Variants in L2HGDH observed in about 807,000 individuals in gnomAD.
L2HGDH encodes the protein L-2-hydroxyglutarate dehydrogenase.
Under a neutral mutation model 51.5 loss-of-function variants are expected in L2HGDH, and 34 were observed. The observed-to-expected ratio is 0.66, with a 90% confidence interval of 0.50 to 0.88. The LOEUF is 0.88. Among genes scored for constraint, L2HGDH ranks in the 40% least tolerant of loss-of-function variants. The pLI is 0.00. For missense variants in L2HGDH, 558 were observed against 571.9 expected, an observed-to-expected ratio of 0.98 and a Z score of 0.25; for synonymous variants, 198 against 197.9, an observed-to-expected ratio of 1.00 and a Z score of -0.01.
intron 9 of L2HGDH, among the ~76,000 whole-genome samples, chr14:50,249,942 C>T (rs1888248472): frequency 8.4e-6 from 1 of 119,108 alleles, no homozygotes; most frequent in Non-Finnish European, 1.6e-5. Context: ...CGCTCTGTTG[C>T]CCAGGCTGGA....
intron 1 of L2HGDH, among the ~76,000 whole-genome samples, chr14:50,303,781 C>CA (rs59420070): frequency 0.13 from 3,864 of 29,286 alleles, 306 homozygotes; most frequent in African/African-American, 0.32. Flanking sequence ...GACCCTGTCT[C>CA]AAAAAAAAAA....
intron 9 of L2HGDH, among the ~76,000 whole-genome samples, chr14:50,253,341 A>G (rs906131348): frequency 1.3e-5 from 2 of 152,160 alleles, no homozygotes; most frequent in Non-Finnish European, 2.9e-5. Context: ...TATAGGAAAA[A>G]AATTTAATAA....
At chr14:50,254,235 G>A (rs767308874) in intron 9 of L2HGDH, among the ~76,000 whole-genome samples, 21 of 152,002 alleles carry the variant, frequency 1.4e-4, no homozygotes, top group Middle Eastern at 3.4e-3. Context: ...TTGAGGGTAC[G>A]AATAACCAAT....
intron 8 of L2HGDH, among the ~76,000 whole-genome samples, chr14:50,266,068 C>A (rs988537851): frequency 6.6e-6 from 1 of 151,750 alleles, no homozygotes; most frequent in East Asian, 1.9e-4. Flanking sequence ...CTCGCTTAAG[C>A]CCAGGAGTTT....
Position 50,243,051 on chromosome 14 carries a change from T to A in L2HGDH, c.*4007A>T. On this transcript the variant is annotated 3_prime_UTR_variant, in exon 10 of 10. Transcript: ENST00000267436. ...CATCCTTTGAAGAAAGTTCTAAGAG[T>A]TAAGGTTATCCCACAGGCTACTAGG... 1.0e-6 allele frequency: 1 copy of A among 985,308 alleles called. No homozygotes were observed. The allele number at this position is 985,308 out of a possible 1,614,324, so 61.0% of individuals were successfully genotyped here. A position where few individuals can be genotyped will look rare whatever the true frequency, so the allele number is the denominator to read the frequency against.
Position 50,247,070 on chromosome 14 carries a change from T to A in L2HGDH, c.1380A>T (p.Arg460Ser). Residue 460 changes from arginine to serine, a missense_variant, in exon 10 of 10, where the codon AGA becomes AGT. By Grantham distance (110) the Arg-to-Ser change is moderately radical. Coordinates refer to ENST00000267436, the MANE Select transcript of L2HGDH (RefSeq NM_024884.3). ...SGMIADEVQQ[R>S]FEL ...CTCCTTTCATTATTTATAATTCAAA[T>A]CTTTGTTGTACTTCATCTGCAATCA... The A allele has an allele frequency of 6.2e-7, 1 of 1,613,488 alleles. No homozygotes were observed. The highest frequency in any genetic ancestry group is 8.5e-7 in the Non-Finnish European group (1 of 1,179,532).
chr14:50,253,749 G>A (rs559284292), intron 9 of L2HGDH, among the ~76,000 whole-genome samples: 1 of 152,208 alleles, frequency 6.6e-6, no homozygotes, highest in South Asian at 2.1e-4. Context: ...TACTGCAGCA[G>A]TATTCACAAT....
intron 9 of L2HGDH, among the ~76,000 whole-genome samples, chr14:50,262,428 CAAAAA>C (rs10710877): frequency 8.8e-6 from 1 of 113,544 alleles, no homozygotes. Flanking sequence ...GACTCTGTCT[CAAAAA>C]AAAAAAAAAA....
chr14:50,243,175 G>GAT lies in L2HGDH; in HGVS notation c.*3881_*3882dup. ...CTGAGAGGATCAAGGGAAGGACTTT[G>GAT]ATATACACATATATGTATGGATAAA... is the stretch of plus-strand genomic sequence containing the variant. On this transcript the variant is annotated 3_prime_UTR_variant, in exon 10 of 10. Transcript: ENST00000267436. 1 of 985,372 alleles carries GAT rather than the reference G, an allele frequency of 1.0e-6. No individual in the cohort carries two copies. 61.0% of individuals were successfully genotyped at this position (985,372 alleles called of 1,614,324 possible).
At chr14:50,289,433 G>A (rs951194218) in intron 4 of L2HGDH, among the ~76,000 whole-genome samples, 8 of 151,972 alleles carry the variant, frequency 5.3e-5, no homozygotes, top group South Asian at 4.2e-4. Context: ...TACACAGTGC[G>A]TTACAAAACC....
chr14:50,295,160 C>A (rs903804662), intron 3 of L2HGDH, among the ~76,000 whole-genome samples: 4 of 152,146 alleles, frequency 2.6e-5, no homozygotes, highest in African/African-American at 4.8e-5. Flanking sequence ...AAAACTGTAA[C>A]TAGACTTTTA....
rs771246826 is a variant in L2HGDH at position 50,242,499 on chromosome 14, TCAA to T, written c.*4556_*4558del. ...CAGAAAATACAAGCAATTAACAACA[TCAA>T]CAACAACAACAAACCCACAATACTT... On this transcript the variant is annotated 3_prime_UTR_variant, in exon 10 of 10. Transcript: ENST00000267436. 4.5e-5 allele frequency: 44 copies of T among 981,030 alleles called. No individual in the cohort carries two copies. In the South Asian group the frequency reaches 4.7e-4, roughly 11 times the overall value. The allele number at this position is 981,030 out of a possible 1,614,324, so 60.8% of individuals were successfully genotyped here. A position where few individuals can be genotyped will look rare whatever the true frequency, so the allele number is the denominator to read the frequency against.
intron 5 of L2HGDH, among the ~76,000 whole-genome samples, chr14:50,279,542 T>C (rs1045653011): frequency 6.6e-6 from 1 of 152,126 alleles, no homozygotes; most frequent in African/African-American, 2.4e-5. Flanking sequence ...TGGGTGATGC[T>C]AACATTTGCA....
intron 1 of L2HGDH, among the ~76,000 whole-genome samples, chr14:50,308,118 C>T (rs551656057): frequency 3.9e-5 from 6 of 152,198 alleles, no homozygotes; most frequent in Admixed American, 6.5e-5. Flanking sequence ...AGGCCGGGTG[C>T]GATGGCTCAC....
chr14:50,312,136 C>G lies in L2HGDH; in HGVS notation c.15G>C (p.Leu5=), dbSNP rs2031265212. The part of the protein sequence containing the change: MVPA[L]RYLVGACGRA... ...GTCCGCAGGCACCAACCAAATAACG[C>G]AGCGCTGGCACCATCCCCTACGCAC... The change falls in exon 1 of 10, where the codon CTG becomes CTC. Residue 5 remains leucine, a synonymous_variant. Coordinates refer to ENST00000267436, the MANE Select transcript of L2HGDH (RefSeq NM_024884.3). 6.2e-7 allele frequency: 1 copy of G among 1,610,352 alleles called. No individual in the cohort carries two copies. Among genetic ancestry groups the G allele is most frequent in the Non-Finnish European group, 8.5e-7 (1 of 1,179,204 alleles).
chr14:50,260,702 T>A (rs762146632), intron 9 of L2HGDH, among the ~76,000 whole-genome samples: 1 of 152,100 alleles, frequency 6.6e-6, no homozygotes, highest in Non-Finnish European at 1.5e-5. Flanking sequence ...GTTACCAAAT[T>A]CTCTACACTA....
In L2HGDH at chr14:50,312,179, C is replaced by T. The variant is rs370435252; in HGVS notation, c.-29G>A. 1.2e-4 allele frequency: 192 copies of T among 1,607,256 alleles called. No individual in the cohort carries two copies. The highest frequency in any genetic ancestry group is 6.2e-4 in the Admixed American group (37 of 59,784). ...CTACGCACGCTCCCCTCCCTCAGCGCTCAGAAGAAGCCACTTGACCCTCCA... is the reference window on the plus strand; with the variant it reads ...CTACGCACGCTCCCCTCCCTCAGCGTTCAGAAGAAGCCACTTGACCCTCCA... On this transcript the variant is annotated 5_prime_UTR_variant, in exon 1 of 10. Transcript: ENST00000267436.
At position 50,312,049 on chromosome 14, in the gene L2HGDH, T is replaced by C. The variant is rs929161536; in HGVS notation, c.102A>G (p.Pro34=). ...TGCGGCTACCTCCACACAGCGGTCT[T>C]GGCCTCCCAGACGCGAACCCGCACG... is the stretch of plus-strand genomic sequence containing the variant. ...PGACGFASGR[P]RPLCGGSRSA... is the part of the protein sequence containing the mutation. The change falls in exon 1 of 10, where the codon CCA becomes CCG. Residue 34 remains proline, a synonymous_variant. Coordinates refer to ENST00000267436, the MANE Select transcript of L2HGDH (RefSeq NM_024884.3). 1 of 1,588,974 alleles carries C rather than the reference T, an allele frequency of 6.3e-7. No homozygotes were observed.
chr14:50,312,197 A>T lies in L2HGDH; in HGVS notation c.-47T>A, dbSNP rs202145436. 2 of 1,602,470 alleles carry T rather than the reference A, an allele frequency of 1.2e-6. No individual in the cohort carries two copies. Among genetic ancestry groups the T allele is most frequent in the Middle Eastern group, 3.3e-4 (2 of 6,044 alleles). On this transcript the variant is annotated 5_prime_UTR_variant, in exon 1 of 10. Transcript: ENST00000267436. The stretch of plus-strand genomic sequence containing the variant: ...CTCAGCGCTCAGAAGAAGCCACTTG[A>T]CCCTCCACGGCCGAGGACCCGCGCT...
Sources: allele counts gnomAD v4.1 joint callset (sites outside exome capture counted in the v4.1 genomes callset), GRCh38; gene constraint gnomAD v4.1.1; transcripts MANE v1.5; gene names NCBI Gene and HGNC (gene_info 2026-07-23, HGNC 2026-07-21).